NT5C2: variants seen among roughly 807,000 people sequenced by gnomAD.
NT5C2 encodes cytosolic purine 5'-nucleotidase.
NT5C2 carries 58 observed loss-of-function variants against 76.1 expected under a neutral mutation model. The observed-to-expected ratio is 0.76, with a 90% CI of 0.62 to 0.95. The LOEUF (loss-of-function observed/expected upper bound fraction) is 0.95, where lower values mean the gene tolerates loss of function less well. Ranked by LOEUF, NT5C2 falls within the 40% of genes least tolerant of loss-of-function variation. The probability of loss-of-function intolerance (pLI) is 0.00; values close to 1 mark genes in which losing one functional copy is unlikely to be tolerated. For missense variants in NT5C2, 478 were observed against 690.3 expected, an observed-to-expected ratio of 0.69 and a Z score of 3.45; for synonymous variants, 229 against 237.4, an observed-to-expected ratio of 0.96 and a Z score of 0.32.
chr10:103,118,945 G>GA (rs1174449639), intron 4 of NT5C2, among the ~76,000 whole-genome samples: 1 of 151,828 alleles, frequency 6.6e-6, no homozygotes. Flanking sequence ...AAACTCTTAA[G>GA]AAAAAAGATC....
chr10:103,113,524 C>T (rs942579514), intron 4 of NT5C2, among the ~76,000 whole-genome samples: 7 of 151,570 alleles, frequency 4.6e-5, no homozygotes, highest in Admixed American at 2.6e-4. Flanking sequence ...AAAAACAGAT[C>T]ACAGCACTCA....
chr10:103,155,797 G>C (rs899851263), intron 3 of NT5C2, among the ~76,000 whole-genome samples: 5 of 152,078 alleles, frequency 3.3e-5, no homozygotes, highest in African/African-American at 1.2e-4. Flanking sequence ...GTCTTGGCGG[G>C]GTTAGAATTT....
chr10:103,129,926 G>A (rs2077735108), intron 4 of NT5C2, among the ~76,000 whole-genome samples: 1 of 108,536 alleles, frequency 9.2e-6, no homozygotes, highest in African/African-American at 3.4e-5. Context: ...CCGGGAGGGA[G>A]GTGGGGGGGG....
intron 3 of NT5C2, among the ~76,000 whole-genome samples, chr10:103,148,644 C>A (rs1220404453): frequency 6.6e-6 from 1 of 151,488 alleles, no homozygotes; most frequent in Non-Finnish European, 1.5e-5. Flanking sequence ...CATTAAAAAT[C>A]TGAACAGTGC....
At chr10:103,109,697 T>G (rs2072418018) in intron 4 of NT5C2, among the ~76,000 whole-genome samples, 2 of 152,142 alleles carry the variant, frequency 1.3e-5, no homozygotes, top group Non-Finnish European at 2.9e-5. Context: ...CCACCCACAC[T>G]CACCCCTAAA....
chr10:103,152,395 T>C (rs1005326175), intron 3 of NT5C2, among the ~76,000 whole-genome samples: 4 of 152,164 alleles, frequency 2.6e-5, no homozygotes, highest in Non-Finnish European at 4.4e-5. Context: ...TATTCAATAA[T>C]GAAATCTAAA....
chr10:103,181,796 G>A (rs1274011468), intron 1 of NT5C2, among the ~76,000 whole-genome samples: 1 of 152,034 alleles, frequency 6.6e-6, no homozygotes, highest in Non-Finnish European at 1.5e-5. Context: ...TTTGAGGTCA[G>A]GAGTTCGAGA....
chr10:103,090,285 A>G, intron 18 of NT5C2: 4 of 347,700 alleles, frequency 1.2e-5, no homozygotes, highest in Non-Finnish European at 2.1e-5. Flanking sequence ...TGGAGCAATC[A>G]CAGCCCACTG....
intron 1 of NT5C2, among the ~76,000 whole-genome samples, chr10:103,183,974 CAG>C (rs542449932): frequency 2.0e-5 from 3 of 148,698 alleles, no homozygotes; most frequent in South Asian, 2.1e-4. Flanking sequence ...TTTTTTGAGA[CAG>C]AGTTTCACTC....
At chr10:103,139,206 G>T (rs1029635220) in intron 4 of NT5C2, among the ~76,000 whole-genome samples, 200 bp downstream of exon 4, 1 of 152,060 alleles carries the variant, frequency 6.6e-6, no homozygotes, top group Non-Finnish European at 1.5e-5. Context: ...CTATCTATGT[G>T]TACAAACTCA....
intron 11 of NT5C2, among the ~76,000 whole-genome samples, chr10:103,096,987 A>T (rs779048139): frequency 1.6e-4 from 24 of 151,848 alleles, no homozygotes; most frequent in South Asian, 4.2e-4. Flanking sequence ...TGACTGCTCA[A>T]GTTTATAGAA....
intron 4 of NT5C2, among the ~76,000 whole-genome samples, chr10:103,131,257 A>C (rs1426065377): frequency 1.3e-5 from 2 of 152,242 alleles, no homozygotes; most frequent in African/African-American, 4.8e-5. Context: ...TCTATGCTGT[A>C]AGGTAATTAT....
chr10:103,146,220 CTG>C (rs903576575), intron 3 of NT5C2: 1 of 985,080 alleles, frequency 1.0e-6, no homozygotes. Flanking sequence ...GAAAACACCT[CTG>C]TGTTTAATTT....
intron 3 of NT5C2, among the ~76,000 whole-genome samples, chr10:103,156,647 C>T (rs1211723119): frequency 6.6e-6 from 1 of 151,672 alleles, no homozygotes; most frequent in Non-Finnish European, 1.5e-5. Context: ...CCCAGCTACT[C>T]GGGAGGCTGA....
chr10:103,183,284 T>TGTGTGTGTG (rs1159408460), intron 1 of NT5C2, among the ~76,000 whole-genome samples: 2 of 129,064 alleles, frequency 1.5e-5, no homozygotes, highest in African/African-American at 5.6e-5. Flanking sequence ...TATATATATA[T>TGTGTGTGTG]ATATATATAT....
chr10:103,174,334 G>A (rs1302323701), intron 3 of NT5C2, among the ~76,000 whole-genome samples: 2 of 152,176 alleles, frequency 1.3e-5, no homozygotes, highest in Non-Finnish European at 2.9e-5. Flanking sequence ...GAAGCCAGAA[G>A]GCAGAGGTTG....
intron 3 of NT5C2, chr10:103,146,138 G>C (rs1407711998): frequency 5.1e-6 from 5 of 985,136 alleles, no homozygotes; most frequent in African/African-American, 3.5e-5. Context: ...TAGTTTTTTT[G>C]TGACTTAACT....
intron 4 of NT5C2, among the ~76,000 whole-genome samples, chr10:103,134,396 G>A (rs929391578): frequency 2.0e-5 from 3 of 152,204 alleles, no homozygotes; most frequent in Non-Finnish European, 4.4e-5. Flanking sequence ...TATAGAGCTC[G>A]GGCTGTGGCT....
At chr10:103,130,039 CCT>C (rs1487296886) in intron 4 of NT5C2, among the ~76,000 whole-genome samples, 1 of 151,834 alleles carries the variant, frequency 6.6e-6, no homozygotes, top group African/African-American at 2.4e-5. Context: ...CGGCCACCAC[CCT>C]GTCTGGGAGG....
Sources: allele counts gnomAD v4.1 joint callset (sites outside exome capture counted in the v4.1 genomes callset), GRCh38; gene constraint gnomAD v4.1.1; transcripts MANE v1.5; gene names NCBI Gene and HGNC (gene_info 2026-07-23, HGNC 2026-07-21).